The following RAB11A variants were observed in gnomAD, a reference collection of about 807,000 sequenced individuals.
The protein encoded by RAB11A is RAB11A, member RAS oncogene family.
In RAB11A, 9 loss-of-function variants were observed where a neutral mutation model predicts 28.0. That is an observed-to-expected ratio of 0.32 (90% CI 0.19 to 0.56). RAB11A has a LOEUF of 0.56. Ranked by LOEUF, RAB11A falls within the 20% of genes least tolerant of loss-of-function variation. The pLI is 0.91. For missense variants in RAB11A, 108 were observed against 269.6 expected (o/e 0.40, Z 4.20); for synonymous variants, 85 against 88.2 (o/e 0.96, Z 0.20).
chr15:65,873,874 G>A (rs1467116566), intron 1 of RAB11A, among the ~76,000 whole-genome samples: 1 of 152,096 alleles, frequency 6.6e-6, no homozygotes, highest in Non-Finnish European at 1.5e-5. Flanking sequence ...ACAGGCATGA[G>A]CCACTGTGTC....
chr15:65,872,017 G>A (rs987115333), intron 1 of RAB11A, among the ~76,000 whole-genome samples: 2 of 142,362 alleles, frequency 1.4e-5, no homozygotes, highest in African/African-American at 5.3e-5. Flanking sequence ...CTGCAGTCTC[G>A]GCCTCCTCAG....
At chr15:65,886,483 G>A (rs1009330746) in intron 4 of RAB11A, among the ~76,000 whole-genome samples, 6 of 152,202 alleles carry the variant, frequency 3.9e-5, no homozygotes, top group Non-Finnish European at 5.9e-5. Flanking sequence ...CTAGTACATC[G>A]TATTAGGAGG....
chr15:65,875,222 A>G (rs1416720022), intron 1 of RAB11A, among the ~76,000 whole-genome samples: 1 of 151,978 alleles, frequency 6.6e-6, no homozygotes, highest in Non-Finnish European at 1.5e-5. Context: ...ACAGGCATGC[A>G]CCACCGTGCC....
intron 1 of RAB11A, among the ~76,000 whole-genome samples, chr15:65,870,922 C>A (rs529961772): frequency 6.6e-6 from 1 of 151,878 alleles, no homozygotes; most frequent in Admixed American, 6.6e-5. Flanking sequence ...GAAGAGAGTA[C>A]AGTAGATGCT....
At chr15:65,871,626 G>C (rs956660822) in intron 1 of RAB11A, among the ~76,000 whole-genome samples, 4 of 152,148 alleles carry the variant, frequency 2.6e-5, no homozygotes, top group Non-Finnish European at 4.4e-5. Flanking sequence ...TAAATATTCT[G>C]AATTGGCCTA....
At position 65,880,462 on chromosome 15, in the gene RAB11A, G is replaced by A. The variant is rs188898587; in HGVS notation, c.511+711G>A. Among the ~76,000 whole-genome samples the A allele has an allele frequency of 2.3e-3, 350 of 152,176 alleles. 1 individual carries two copies. Among genetic ancestry groups the A allele is most frequent in the Non-Finnish European group, 3.9e-3 (267 of 67,974 alleles). The stretch of plus-strand genomic sequence containing the variant: ...GGTTGTTTTTAAATACTTTTAAATT[G>A]TATGTTACTTTTAAGAACTCATGAT... On this transcript the variant is annotated intron_variant, in intron 4 of 4. Transcript: ENST00000261890.
At position 65,869,531 on chromosome 15, in the gene RAB11A, C is replaced by T. The variant is rs2078144565; in HGVS notation, c.-55C>T. ...CTCGGGTTACCCCTGCAGCGACGCC[C>T]CCTGGTCCCACAGATACCACTGCTG... On this transcript the variant is annotated 5_prime_UTR_variant, in exon 1 of 5. Transcript: ENST00000261890. 3.1e-6 allele frequency: 5 copies of T among 1,596,830 alleles called. No homozygotes were observed. Among genetic ancestry groups the T allele is most frequent in the Non-Finnish European group, 4.3e-6 (5 of 1,173,448 alleles).
At chr15:65,873,211 C>T (rs1009369962) in intron 1 of RAB11A, among the ~76,000 whole-genome samples, 2 of 152,086 alleles carry the variant, frequency 1.3e-5, no homozygotes, top group African/African-American at 2.4e-5. Context: ...TAAGTATTTA[C>T]GAACAATGTG....
chr15:65,884,946 A>G (rs918195544), intron 4 of RAB11A, among the ~76,000 whole-genome samples: 1 of 149,328 alleles, frequency 6.7e-6, no homozygotes, highest in African/African-American at 2.5e-5. Context: ...ACCAATTCCT[A>G]TGCAGTCGCC....
rs371421383 is a variant in RAB11A at position 65,875,774 on chromosome 15, T to C, written c.41-1558T>C. On this transcript the variant is annotated intron_variant, in intron 1 of 4. Transcript: ENST00000261890. ...AGGAGGGAATGTATAATGGACTCTCTTTGCCCTCTGACCAGAATGCAGTGA... is the reference window on the plus strand; with the variant it reads ...AGGAGGGAATGTATAATGGACTCTCCTTGCCCTCTGACCAGAATGCAGTGA... 1.4e-4 allele frequency among the ~76,000 whole-genome samples: 21 copies of C among 152,350 alleles called. No homozygotes were observed. In the South Asian group the frequency reaches 4.4e-3, roughly 32 times the overall value.
At position 65,891,710 on chromosome 15, in the gene RAB11A, CT is replaced by C. The variant is rs1309211438; in HGVS notation, c.*3872del. 3.3e-5 allele frequency: 5 copies of C among 152,160 alleles called. No homozygotes were observed. Among genetic ancestry groups the C allele is most frequent in the African/African-American group, 9.7e-5 (4 of 41,428 alleles). The allele number at this position is 152,160 out of a possible 1,614,324, so 9.4% of individuals were successfully genotyped here. A position where few individuals can be genotyped will look rare whatever the true frequency, so the allele number is the denominator to read the frequency against. ...ATGCACTTTGTGGAATGTTTTTGGT[CT>C]TATCACAATAACCTGATTAAAATGG... On this transcript the variant is annotated 3_prime_UTR_variant, in exon 5 of 5. Coordinates refer to ENST00000261890, the MANE Select transcript of RAB11A (RefSeq NM_004663.5).
intron 1 of RAB11A, among the ~76,000 whole-genome samples, chr15:65,871,078 G>A (rs993178542): frequency 3.9e-5 from 6 of 152,150 alleles, no homozygotes; most frequent in African/African-American, 1.4e-4. Context: ...GGAGGGTGGA[G>A]TTTCAAGAGT....
intron 4 of RAB11A, among the ~76,000 whole-genome samples, chr15:65,882,211 T>C (rs1264830962): frequency 6.6e-6 from 1 of 152,232 alleles, no homozygotes; most frequent in Non-Finnish European, 1.5e-5. Flanking sequence ...GCTTCCTGCA[T>C]AAATCTCACT....
chr15:65,869,807 C>T (rs2078146977), intron 1 of RAB11A, among the ~76,000 whole-genome samples, 182 bp downstream of exon 1: 1 of 152,228 alleles, frequency 6.6e-6, no homozygotes, highest in Non-Finnish European at 1.5e-5. Flanking sequence ...GGGTCCCCAT[C>T]ACATGCCGCT....
intron 1 of RAB11A, 94 bp downstream of exon 1, chr15:65,869,719 A>G (rs1308080154): frequency 2.3e-6 from 3 of 1,310,808 alleles, no homozygotes; most frequent in Non-Finnish European, 2.1e-6. Flanking sequence ...CTGCACTGAT[A>G]TAGGCCTCCC....
chr15:65,878,917 T>C (rs1236185878), intron 3 of RAB11A, among the ~76,000 whole-genome samples: 5 of 152,146 alleles, frequency 3.3e-5, no homozygotes, highest in Non-Finnish European at 1.5e-5. Flanking sequence ...AGTGGTGTCA[T>C]TCGTCACTAG....
chr15:65,888,054 A>G lies in RAB11A; in HGVS notation c.*214A>G. Reference sequence around the variant, plus strand: ...TTCATGCTATGGCTTCACTAGCCTTAGTTTAATAAACTGAATGTTTGGATT... The same window carrying G: ...TTCATGCTATGGCTTCACTAGCCTTGGTTTAATAAACTGAATGTTTGGATT... On this transcript the variant is annotated 3_prime_UTR_variant, in exon 5 of 5. Transcript: ENST00000261890. 2.3e-6 allele frequency: 1 copy of G among 441,494 alleles called. No individual in the cohort carries two copies. Among genetic ancestry groups the G allele is most frequent in the African/African-American group, 2.0e-5 (1 of 48,872 alleles). The allele number at this position is 441,494 out of a possible 1,614,324, so 27.3% of individuals were successfully genotyped here.
At chr15:65,875,478 A>G (rs566406474) in intron 1 of RAB11A, among the ~76,000 whole-genome samples, 3 of 152,358 alleles carry the variant, frequency 2.0e-5, no homozygotes, top group African/African-American at 7.2e-5. Flanking sequence ...TATAAAATTG[A>G]AAGTGCATTG....
intron 4 of RAB11A, among the ~76,000 whole-genome samples, chr15:65,881,137 C>T (rs371607178): frequency 6.6e-6 from 1 of 152,132 alleles, no homozygotes; most frequent in African/African-American, 2.4e-5. Context: ...AAGAATAGTG[C>T]TGGGGTTGGA....
Sources: allele counts gnomAD v4.1 joint callset (sites outside exome capture counted in the v4.1 genomes callset), GRCh38; gene constraint gnomAD v4.1.1; transcripts MANE v1.5; gene names NCBI Gene and HGNC (gene_info 2026-07-23, HGNC 2026-07-21).